Variants in SLC4A8 observed in about 807,000 individuals in gnomAD.
SLC4A8 encodes solute carrier family 4 member 8, also known as electroneutral sodium bicarbonate exchanger 1.
Under a neutral mutation model 125.0 loss-of-function variants are expected in SLC4A8, and 40 were observed. The ratio of observed to expected loss-of-function variants is 0.32; its 90% CI spans 0.25 to 0.42. The LOEUF is 0.42. Ranked by LOEUF, SLC4A8 falls within the 10% of genes least tolerant of loss-of-function variation. SLC4A8 has a pLI of 1.00. For missense variants in SLC4A8, 863 were observed against 1,355.1 expected, an observed-to-expected ratio of 0.64 and a Z score of 5.70; for synonymous variants, 456 against 476.0, an observed-to-expected ratio of 0.96 and a Z score of 0.55.
intron 17 of SLC4A8, 85 bp downstream of exon 17, chr12:51,485,985 C>G: frequency 5.1e-6 from 4 of 779,766 alleles, no homozygotes; most frequent in Non-Finnish European, 8.9e-6. Context: ...TTTTCATATC[C>G]TAATCCTGAG....
At chr12:51,433,884 G>GTTTTTTTTTTTTT in intron 1 of SLC4A8, among the ~76,000 whole-genome samples, 1 of 72,204 alleles carries the variant, frequency 1.4e-5, no homozygotes, top group Non-Finnish European at 2.8e-5. Flanking sequence ...TTTTTGGTTG[G>GTTTTTTTTTTTTT]TTTTTTTTTG....
At chr12:51,426,415 C>G (rs1364612034) in intron 1 of SLC4A8, among the ~76,000 whole-genome samples, 1 of 152,082 alleles carries the variant, frequency 6.6e-6, no homozygotes, top group Non-Finnish European at 1.5e-5. Context: ...GGGAGAAGTA[C>G]TATTTTTAAT....
intron 24 of SLC4A8, among the ~76,000 whole-genome samples, chr12:51,506,486 G>A (rs1346073834): frequency 6.6e-6 from 1 of 151,236 alleles, no homozygotes; most frequent in Non-Finnish European, 1.5e-5. Context: ...CCAGGCTGGA[G>A]TGCAATGGCA....
chr12:51,442,001 T>C (rs1949613414), intron 2 of SLC4A8, among the ~76,000 whole-genome samples: 1 of 152,032 alleles, frequency 6.6e-6, no homozygotes, highest in Non-Finnish European at 1.5e-5. Context: ...AGGCTAACAT[T>C]TGTTGAATGC....
chr12:51,425,115 C>T, intron 1 of SLC4A8, 80 bp downstream of exon 1: 4 of 1,494,720 alleles, frequency 2.7e-6, no homozygotes, highest in Admixed American at 2.1e-5. Context: ...CTTCCTTCTG[C>T]CCCCGAGCCC....
At chr12:51,453,833 A>C in intron 5 of SLC4A8, 134 bp downstream of exon 5, 4 of 464,700 alleles carry the variant, frequency 8.6e-6, no homozygotes, top group East Asian at 5.8e-5. Context: ...CCTGGCCTCA[A>C]TGTCCTTGGC....
chr12:51,440,004 G>A (rs184189282), intron 1 of SLC4A8, among the ~76,000 whole-genome samples: 2 of 152,296 alleles, frequency 1.3e-5, no homozygotes, highest in African/African-American at 2.4e-5. Flanking sequence ...GGAAAACAAA[G>A]AGTAGAGAGC....
At chr12:51,424,803 C>A (rs1018142579), upstream of SLC4A8, 4 of 604,804 alleles carry the variant, frequency 6.6e-6, no homozygotes, top group Non-Finnish European at 8.6e-6. Context: ...GCGCAGGCCT[C>A]TCGCTGATTG....
At chr12:51,489,555 C>A in intron 18 of SLC4A8, 145 bp from the exon 19 acceptor site, 1 of 938,906 alleles carries the variant, frequency 1.1e-6, no homozygotes, top group Non-Finnish European at 1.6e-6. Context: ...CCAGGAGGGG[C>A]TACAAGACTC....
chr12:51,447,173 C>T (rs983698306), intron 2 of SLC4A8, among the ~76,000 whole-genome samples: 2 of 152,012 alleles, frequency 1.3e-5, no homozygotes, highest in Admixed American at 1.3e-4. Context: ...GCTTTGAACT[C>T]CTGGGCTCAG....
rs916485079 is a variant in SLC4A8 at position 51,440,979 on chromosome 12, G to T, written c.130+190G>T. On this transcript the variant is annotated intron_variant, in intron 2 of 24. Transcript: ENST00000453097. ...TACTAATACTTGTCCTACCTTACAGGGATATCATTAGGATCTAATTGCCTA... is the reference window on the plus strand; with the variant it reads ...TACTAATACTTGTCCTACCTTACAGTGATATCATTAGGATCTAATTGCCTA... The T allele has an allele frequency of 9.2e-6, 9 of 976,948 alleles. No individual in the cohort carries two copies. In the African/African-American group the frequency reaches 1.2e-4, roughly 13 times the overall value. The allele number at this position is 976,948 out of a possible 1,614,324, so 60.5% of individuals were successfully genotyped here.
intron 22 of SLC4A8, chr12:51,502,309 C>T (rs1937928002): frequency 6.6e-6 from 1 of 150,970 alleles, no homozygotes; most frequent in Admixed American, 6.6e-5. Flanking sequence ...GATTTCAGCT[C>T]ACTACAACCT....
intron 1 of SLC4A8, among the ~76,000 whole-genome samples, chr12:51,429,139 T>C (rs1300691626): frequency 6.6e-6 from 1 of 152,080 alleles, no homozygotes; most frequent in African/African-American, 2.4e-5. Flanking sequence ...CTCAAACTCC[T>C]GACTTCAGGT....
At chr12:51,458,780 G>A in intron 7 of SLC4A8, 130 bp downstream of exon 7, 2 of 629,992 alleles carry the variant, frequency 3.2e-6, no homozygotes, top group East Asian at 2.8e-5. Context: ...AGCCCTTTCT[G>A]CATAAAAGGG....
chr12:51,439,949 G>A (rs563805581), intron 1 of SLC4A8, among the ~76,000 whole-genome samples: 115 of 152,300 alleles, frequency 7.6e-4, no homozygotes, highest in Non-Finnish European at 1.5e-3. Context: ...ATCAATTACT[G>A]AACCACAGTT....
chr12:51,403,750 G>A (rs896002264), intron 1 of SLC4A8, among the ~76,000 whole-genome samples: 1 of 152,228 alleles, frequency 6.6e-6, no homozygotes, highest in African/African-American at 2.4e-5. Flanking sequence ...TGTTAATCAA[G>A]CCATGTCACC....
intron 4 of SLC4A8, 55 bp downstream of exon 4, chr12:51,452,314 CCTTCAG>C: frequency 6.3e-7 from 1 of 1,598,100 alleles, no homozygotes; most frequent in Non-Finnish European, 8.6e-7. Context: ...AAGTGTGTAC[CCTTCAG>C]CAAGTGACAG....
At chr12:51,474,177 A>C (rs1276068729) in intron 14 of SLC4A8, among the ~76,000 whole-genome samples, 165 bp from the exon 15 acceptor site, 1 of 152,186 alleles carries the variant, frequency 6.6e-6, no homozygotes, top group East Asian at 1.9e-4. Context: ...TGACTGAAAA[A>C]TTAGAATGTG....
chr12:51,445,352 G>A (rs1357393223), intron 2 of SLC4A8, among the ~76,000 whole-genome samples: 2 of 151,996 alleles, frequency 1.3e-5, no homozygotes, highest in Admixed American at 6.5e-5. Context: ...ATTTTTTATA[G>A]AGGTGGAATC....
Sources: gnomAD v4.1 joint callset for allele counts (sites outside exome capture counted in the v4.1 genomes callset) on GRCh38, gnomAD v4.1.1 for gene constraint, MANE v1.5 for transcripts, NCBI Gene and HGNC (gene_info 2026-07-23, HGNC 2026-07-21) for gene names.